CD244: variants seen among roughly 807,000 people sequenced by gnomAD.
CD244 encodes the protein natural killer cell receptor 2B4.
A neutral mutation model predicts 45.5 loss-of-function variants in CD244; 20 were observed. The ratio of observed to expected loss-of-function variants is 0.44; its 90% CI spans 0.31 to 0.64. CD244 has a LOEUF of 0.64. CD244 is among the 30% of genes least tolerant of loss of function. CD244 has a pLI of 0.08. For synonymous variants in CD244, 185 were observed against 160.5 expected, an observed-to-expected ratio of 1.15 and a Z score of -1.15; for missense variants, 407 against 426.9, an observed-to-expected ratio of 0.95 and a Z score of 0.41.
chr1:160,862,222 G>A (rs1480731702), intron 1 of CD244, among the ~76,000 whole-genome samples: 3 of 152,188 alleles, frequency 2.0e-5, no homozygotes, highest in African/African-American at 7.2e-5. Context: ...CCATCCATCT[G>A]TCTCTGAGCT....
intron 1 of CD244, chr1:160,848,092 A>C (rs1317130576): frequency 2.6e-6 from 1 of 391,406 alleles, no homozygotes; most frequent in African/African-American, 2.1e-5. Flanking sequence ...TTGCACATAA[A>C]GTTCCAAAGA....
In CD244 at chr1:160,862,727, C is replaced by T. The variant is rs746044600; in HGVS notation, c.-50G>A. The T allele has an allele frequency of 2.6e-6, 4 of 1,565,172 alleles. No homozygotes were observed. On this transcript the variant is annotated 5_prime_UTR_variant, in exon 1 of 9. Coordinates refer to ENST00000368034, the MANE Select transcript of CD244 (RefSeq NM_016382.4). ...CAGCCCCTCCACCCCACCAGACTCT[C>T]TGCCGTGCACGGGCTCAGCAGTCCC...
chr1:160,831,671 G>A (rs1669131732), intron 8 of CD244, among the ~76,000 whole-genome samples: 1 of 152,230 alleles, frequency 6.6e-6, no homozygotes, highest in East Asian at 1.9e-4. Context: ...AAGCTACCTG[G>A]GTCTACACAG....
intron 1 of CD244, among the ~76,000 whole-genome samples, chr1:160,849,442 C>G (rs901314354): frequency 1.3e-5 from 2 of 152,002 alleles, no homozygotes; most frequent in Non-Finnish European, 2.9e-5. Context: ...CCTAATGCCT[C>G]CCTCCCCTTG....
rs147144279 is a variant in CD244 at position 160,848,542 on chromosome 1, C to G, written c.62-6641G>C. 2.8e-4 allele frequency: 115 copies of G among 410,040 alleles called. 1 individual carries two copies. The East Asian group carries it at 6.8e-3, about 24-fold the overall frequency. The allele number at this position is 410,040 out of a possible 1,614,324, so 25.4% of individuals were successfully genotyped here. A position where few individuals can be genotyped will look rare whatever the true frequency, so the allele number is the denominator to read the frequency against. Reference sequence around the variant, plus strand: ...AAAAGACCCTCATTTCAGAGAAGTTCCTGCCTCAGATTCTAGAGAAAGAAA... The same window carrying G: ...AAAAGACCCTCATTTCAGAGAAGTTGCTGCCTCAGATTCTAGAGAAAGAAA... On this transcript the variant is annotated intron_variant, in intron 1 of 8. Transcript: ENST00000368034.
chr1:160,854,764 A>G (rs927344710), intron 1 of CD244, among the ~76,000 whole-genome samples: 2 of 152,160 alleles, frequency 1.3e-5, no homozygotes, highest in Non-Finnish European at 2.9e-5. Flanking sequence ...CTTTTTAAAA[A>G]TTAGGCCGTT....
chr1:160,861,833 T>C (rs59712018), intron 1 of CD244, among the ~76,000 whole-genome samples: 38,838 of 151,826 alleles, frequency 0.26, 5,489 homozygotes, highest in East Asian at 0.39. Flanking sequence ...GGAGACTCTG[T>C]CTCAAAAAAT....
intron 1 of CD244, among the ~76,000 whole-genome samples, chr1:160,855,667 G>C (rs1201338280): frequency 6.6e-6 from 1 of 152,214 alleles, no homozygotes; most frequent in Non-Finnish European, 1.5e-5. Context: ...AGAGGAAAGA[G>C]GCCACAGTCC....
intron 6 of CD244, 46 bp downstream of exon 6, chr1:160,836,149 A>G (rs772986752): frequency 4.2e-6 from 6 of 1,435,874 alleles, no homozygotes; most frequent in Non-Finnish European, 5.9e-6. Context: ...GCATTAGGAA[A>G]CCCCAGAGAT....
At chr1:160,859,325 C>A (rs1049074069) in intron 1 of CD244, among the ~76,000 whole-genome samples, 4 of 152,102 alleles carry the variant, frequency 2.6e-5, no homozygotes, top group Non-Finnish European at 5.9e-5. Flanking sequence ...CGCCAGGTCA[C>A]GCACCATTGT....
At chr1:160,851,686 A>G (rs916560616) in intron 1 of CD244, among the ~76,000 whole-genome samples, 1 of 152,102 alleles carries the variant, frequency 6.6e-6, no homozygotes, top group African/African-American at 2.4e-5. Flanking sequence ...GTTTATTTTG[A>G]GACCAGATTA....
In CD244 at chr1:160,862,871, G is replaced by A. The variant is rs185097894; in HGVS notation, c.-194C>T. On this transcript the variant is annotated 5_prime_UTR_variant, in exon 1 of 9. Coordinates refer to ENST00000368034, the MANE Select transcript of CD244 (RefSeq NM_016382.4). The stretch of plus-strand genomic sequence containing the variant: ...TGACAAGGCCACTGAGAAAGCCCCA[G>A]CGCCTGGAGCTGGTCTGACAGTTCC... 15 of 497,204 alleles carry A rather than the reference G, an allele frequency of 3.0e-5. No homozygotes were observed. The highest frequency in any genetic ancestry group is 2.7e-4 in the African/African-American group (14 of 51,716). 30.8% of individuals were successfully genotyped at this position (497,204 alleles called of 1,614,324 possible).
Position 160,838,518 on chromosome 1 carries a change from T to C in CD244, c.767A>G (p.Glu256Gly), listed in dbSNP as rs1314125435. The change falls in exon 5 of 9, where the codon GAG (glutamate) becomes GGG (glycine). Residue 256 changes from glutamate (E) to glycine (G), a missense_variant and splice_region_variant. Glu to Gly is a moderately conservative substitution (Grantham distance 98). Transcript: ENST00000368034. ...WRRKRKEKQS[E>G]TSPKEFLTIY... ...TGTCAAAAATTCCTTGGGACTGGTC[T>C]CTGAGGGAGGAAGAAAACAAAGAGC... 1.2e-6 allele frequency: 2 copies of C among 1,610,672 alleles called. No individual in the cohort carries two copies. The highest frequency in any genetic ancestry group is 3.3e-5 in the Admixed American group (2 of 60,014).
At chr1:160,846,622 T>C (rs1301363432) in intron 1 of CD244, among the ~76,000 whole-genome samples, 1 of 151,918 alleles carries the variant, frequency 6.6e-6, no homozygotes, top group Non-Finnish European at 1.5e-5. Flanking sequence ...GCCAAGATGG[T>C]GCCACTCCCC....
intron 7 of CD244, among the ~76,000 whole-genome samples, chr1:160,833,339 C>T (rs1434932972): frequency 1.3e-5 from 2 of 152,208 alleles, no homozygotes; most frequent in Non-Finnish European, 2.9e-5. Context: ...CCTGCATGGA[C>T]TTCCACAGTT....
At chr1:160,844,237 T>G (rs929540547) in intron 1 of CD244, among the ~76,000 whole-genome samples, 15 of 152,184 alleles carry the variant, frequency 9.9e-5, no homozygotes, top group Non-Finnish European at 1.9e-4. Context: ...AGGAAACATC[T>G]CCAAAAACCA....
intron 6 of CD244, 108 bp from the exon 7 acceptor site, chr1:160,834,224 A>C (rs1669243861): frequency 2.4e-6 from 2 of 830,312 alleles, no homozygotes; most frequent in East Asian, 5.1e-5. Context: ...TGGAAGCTTC[A>C]AGTGTTAGTG....
At chr1:160,861,643 C>A (rs568453669) in intron 1 of CD244, among the ~76,000 whole-genome samples, 1 of 152,188 alleles carries the variant, frequency 6.6e-6, no homozygotes, top group African/African-American at 2.4e-5. Context: ...TCAAGACCAG[C>A]CTGGCCAACA....
chr1:160,843,681 A>G (rs1328139420), intron 1 of CD244, among the ~76,000 whole-genome samples: 3 of 152,248 alleles, frequency 2.0e-5, no homozygotes, highest in Non-Finnish European at 2.9e-5. Flanking sequence ...CTCCCACTAA[A>G]AATAGCTAGA....
Sources: allele counts gnomAD v4.1 joint callset (sites outside exome capture counted in the v4.1 genomes callset), GRCh38; gene constraint gnomAD v4.1.1; transcripts MANE v1.5; gene names NCBI Gene and HGNC (gene_info 2026-07-23, HGNC 2026-07-21).